The following TSPAN18 variants were observed in gnomAD, a reference collection of about 807,000 sequenced individuals.
TSPAN18 encodes the protein tetraspanin-18.
Under a neutral mutation model 27.3 loss-of-function variants are expected in TSPAN18, and 14 were observed. The observed-to-expected ratio is 0.51, with a 90% CI of 0.34 to 0.80. The LOEUF (loss-of-function observed/expected upper bound fraction) is 0.80. Ranked by LOEUF, TSPAN18 falls within the 30% of genes least tolerant of loss-of-function variation. The pLI, the probability that TSPAN18 is intolerant of heterozygous loss-of-function variation, is 0.01. For missense variants in TSPAN18, 268 were observed against 323.9 expected (o/e 0.83, Z 1.32); for synonymous variants, 143 against 136.5 (o/e 1.05, Z -0.33).
chr11:44,913,331 A>G (rs996307420), intron 5 of TSPAN18, among the ~76,000 whole-genome samples: 28 of 152,186 alleles, frequency 1.8e-4, no homozygotes, highest in African/African-American at 6.8e-4. Flanking sequence ...TAATGACCAG[A>G]CCACCTAATG....
In TSPAN18 at chr11:44,919,881, C is replaced by T; in HGVS notation, c.497C>T (p.Thr166Ile). The T allele has an allele frequency of 1.2e-6, 2 of 1,614,242 alleles. No homozygotes were observed. The highest frequency in any genetic ancestry group is 8.5e-7 in the Non-Finnish European group (1 of 1,180,044). Reference sequence around the variant, plus strand: ...TTTGCATCTGTGTTTCGACTCCTGACCCTGGATAGTGAAGAGGTGCCGGAG... The same window carrying T: ...TTTGCATCTGTGTTTCGACTCCTGATCCTGGATAGTGAAGAGGTGCCGGAG... ...FKFASVFRLL[T>I]LDSEEVPEAC... is the part of the protein sequence containing the mutation. Residue 166 changes from threonine (T) to isoleucine (I), a missense_variant, in exon 8 of 10, where the codon ACC becomes ATC. Thr to Ile is a moderately conservative substitution (Grantham distance 89). Transcript: ENST00000520358.
At chr11:44,731,631 TGTGAGAGA>T (rs974325227) in intron 1 of TSPAN18, among the ~76,000 whole-genome samples, 2 of 60,502 alleles carry the variant, frequency 3.3e-5, no homozygotes, top group African/African-American at 4.6e-5. Context: ...TGTGTGTGTG[TGTGAGAGA>T]GAGAGAGAGA....
intron 2 of TSPAN18, among the ~76,000 whole-genome samples, chr11:44,826,807 G>A (rs571621610): frequency 1.3e-5 from 2 of 152,310 alleles, no homozygotes; most frequent in East Asian, 1.9e-4. Context: ...TGAGTCAGCC[G>A]TAGTGTGGGG....
intron 2 of TSPAN18, among the ~76,000 whole-genome samples, chr11:44,782,387 C>CA (rs1416049121): frequency 6.6e-6 from 1 of 151,760 alleles, no homozygotes. Flanking sequence ...ACTAAAAATA[C>CA]AAAAAATTAG....
chr11:44,825,883 C>A (rs1857030495), intron 2 of TSPAN18, among the ~76,000 whole-genome samples: 1 of 152,178 alleles, frequency 6.6e-6, no homozygotes, highest in African/African-American at 2.4e-5. Flanking sequence ...CCTTACAGGA[C>A]ATGCAAGGCA....
At chr11:44,829,656 T>G (rs529014705) in intron 2 of TSPAN18, among the ~76,000 whole-genome samples, 1 of 152,296 alleles carries the variant, frequency 6.6e-6, no homozygotes, top group South Asian at 2.1e-4. Context: ...AGTGTGCGGT[T>G]TTTTGCGTGG....
intron 8 of TSPAN18, among the ~76,000 whole-genome samples, chr11:44,921,668 A>C (rs948293192): frequency 6.6e-6 from 1 of 152,196 alleles, no homozygotes; most frequent in African/African-American, 2.4e-5. Flanking sequence ...GTTCCATGGC[A>C]TACAGCGGCC....
At position 44,910,374 on chromosome 11, in the gene TSPAN18, G is replaced by A. The variant is rs111609503; in HGVS notation, c.258+475G>A. 8.0e-3 allele frequency among the ~76,000 whole-genome samples: 1,217 copies of A among 152,304 alleles called. 17 individuals are homozygous for A. Among genetic ancestry groups the A allele is most frequent in the African/African-American group, 0.028 (1,151 of 41,556 alleles). Reference sequence around the variant, plus strand: ...ATAGGTCCACCTCCAGGGGTGGGGCGGTCCCCAGCCTTTTCCATCTGCCTT... The same window carrying A: ...ATAGGTCCACCTCCAGGGGTGGGGCAGTCCCCAGCCTTTTCCATCTGCCTT... On this transcript the variant is annotated intron_variant, in intron 5 of 9. Coordinates refer to ENST00000520358, the MANE Select transcript of TSPAN18 (RefSeq NM_130783.5).
intron 2 of TSPAN18, among the ~76,000 whole-genome samples, chr11:44,839,234 T>C (rs1480959423): frequency 6.6e-6 from 1 of 152,200 alleles, no homozygotes; most frequent in Non-Finnish European, 1.5e-5. Context: ...TCATTTCACC[T>C]TGATGCAGTG....
chr11:44,752,094 A>G (rs1444525516), intron 1 of TSPAN18, among the ~76,000 whole-genome samples: 3 of 152,170 alleles, frequency 2.0e-5, no homozygotes, highest in African/African-American at 4.8e-5. Context: ...GCCCCAACAC[A>G]CCAACCCAAA....
intron 2 of TSPAN18, among the ~76,000 whole-genome samples, chr11:44,844,757 C>A (rs1048635207): frequency 6.6e-6 from 1 of 152,100 alleles, no homozygotes; most frequent in Non-Finnish European, 1.5e-5. Context: ...ATAAGTGTTG[C>A]AAATACTTTT....
At chr11:44,768,492 T>G (rs74397473) in intron 2 of TSPAN18, among the ~76,000 whole-genome samples, 18,837 of 152,236 alleles carry the variant, frequency 0.12, 1,613 homozygotes, top group Middle Eastern at 0.21. Context: ...TTCCAGGATT[T>G]TTTTTTTGTA....
At chr11:44,755,387 G>A (rs976295537) in intron 1 of TSPAN18, among the ~76,000 whole-genome samples, 3 of 152,040 alleles carry the variant, frequency 2.0e-5, no homozygotes, top group African/African-American at 7.2e-5. Context: ...ACTCATTCTG[G>A]GAACAAAGGG....
At chr11:44,882,627 C>CATACACAGAG (rs375349718) in intron 3 of TSPAN18, among the ~76,000 whole-genome samples, 23 of 130,608 alleles carry the variant, frequency 1.8e-4, no homozygotes, top group Non-Finnish European at 3.0e-4. Flanking sequence ...CACACACACA[C>CATACACAGAG]AGAGAGAGAG....
chr11:44,795,555 G>A (rs1856329631), intron 2 of TSPAN18, among the ~76,000 whole-genome samples: 1 of 152,102 alleles, frequency 6.6e-6, no homozygotes, highest in Non-Finnish European at 1.5e-5. Context: ...TTCTGGCGGT[G>A]GCCAGCCTGA....
chr11:44,749,332 C>T (rs757738272), intron 1 of TSPAN18, among the ~76,000 whole-genome samples: 3 of 152,216 alleles, frequency 2.0e-5, no homozygotes, highest in Non-Finnish European at 2.9e-5. Flanking sequence ...GGTAAACTGC[C>T]TGGGACAATG....
At chr11:44,863,735 C>T (rs1371013435) in intron 3 of TSPAN18, among the ~76,000 whole-genome samples, 1 of 152,122 alleles carries the variant, frequency 6.6e-6, no homozygotes, top group Non-Finnish European at 1.5e-5. Context: ...GGGTTCGGAT[C>T]TGAGCTCTGC....
At chr11:44,811,383 T>G (rs1856712732) in intron 2 of TSPAN18, among the ~76,000 whole-genome samples, 1 of 152,068 alleles carries the variant, frequency 6.6e-6, no homozygotes, top group African/African-American at 2.4e-5. Context: ...CAATTAGCCT[T>G]GGAAAGGGAA....
At chr11:44,728,495 C>G (rs895393662) in intron 1 of TSPAN18, among the ~76,000 whole-genome samples, 4 of 152,028 alleles carry the variant, frequency 2.6e-5, no homozygotes, top group Non-Finnish European at 5.9e-5. Flanking sequence ...GGGGTATCCT[C>G]TCTCTGGGCA....
Sources: gnomAD v4.1 joint callset for allele counts (sites outside exome capture counted in the v4.1 genomes callset) on GRCh38, gnomAD v4.1.1 for gene constraint, MANE v1.5 for transcripts, NCBI Gene and HGNC (gene_info 2026-07-23, HGNC 2026-07-21) for gene names.